SLC7A2: variants seen among roughly 807,000 people sequenced by gnomAD.
SLC7A2 encodes cationic amino acid transporter 2.
A neutral mutation model predicts 58.9 loss-of-function variants in SLC7A2; 48 were observed. The observed-to-expected ratio is 0.82, with a 90% CI of 0.65 to 1.04. SLC7A2 has a LOEUF of 1.04. Ranked by LOEUF, SLC7A2 falls within the 50% of genes least tolerant of loss-of-function variation. The probability of loss-of-function intolerance (pLI) is 0.00; values close to 1 mark genes in which losing one functional copy is unlikely to be tolerated. For missense variants in SLC7A2, 1,029 were observed against 818.8 expected (o/e 1.26, Z -3.13); for synonymous variants, 363 against 314.5 (o/e 1.15, Z -1.63).
intron 2 of SLC7A2, among the ~76,000 whole-genome samples, chr8:17,523,132 T>G (rs1321402654): frequency 6.6e-6 from 1 of 152,012 alleles, no homozygotes; most frequent in African/African-American, 2.4e-5. Context: ...GTTCTGCACA[T>G]GTATCCTGGA....
rs1427123801 is a variant in SLC7A2 at position 17,565,203 on chromosome 8, A to T, written c.*57A>T. 7.4e-7 allele frequency: 1 copy of T among 1,360,048 alleles called. No homozygotes were observed. The highest frequency in any genetic ancestry group is 1.0e-6 in the Non-Finnish European group (1 of 984,042). 84.2% of individuals were successfully genotyped at this position (1,360,048 alleles called of 1,614,324 possible). On this transcript the variant is annotated 3_prime_UTR_variant, in exon 13 of 13. Coordinates refer to ENST00000494857, the MANE Select transcript of SLC7A2 (RefSeq NM_001370338.1). The stretch of plus-strand genomic sequence containing the variant: ...AGCATACATATCCTACACTGAGTAA[A>T]CCGTAACGGGATGTCATCAGCATGC...
chr8:17,548,236 G>A (rs1182445115), intron 4 of SLC7A2, among the ~76,000 whole-genome samples: 2 of 152,200 alleles, frequency 1.3e-5, no homozygotes, highest in African/African-American at 2.4e-5. Context: ...AGCTACTCAG[G>A]TGGCTGAGGT....
intron 2 of SLC7A2, among the ~76,000 whole-genome samples, chr8:17,504,142 A>C (rs1371935777): frequency 6.6e-6 from 1 of 152,232 alleles, no homozygotes; most frequent in Non-Finnish European, 1.5e-5. Context: ...AGAATAACAA[A>C]CTACTAAGAA....
chr8:17,550,594 A>G (rs1433401935), intron 6 of SLC7A2, among the ~76,000 whole-genome samples, 160 bp downstream of exon 6: 2 of 152,194 alleles, frequency 1.3e-5, no homozygotes, highest in African/African-American at 4.8e-5. Context: ...TGATAAAAAG[A>G]AAGAATGCAA....
At chr8:17,563,748 A>C in intron 12 of SLC7A2, 37 bp downstream of exon 12, 1 of 1,199,252 alleles carries the variant, frequency 8.3e-7, no homozygotes. Flanking sequence ...TTCCTATTTC[A>C]TGTGCTGTGA....
chr8:17,532,995 A>G (rs1475991946), intron 2 of SLC7A2, among the ~76,000 whole-genome samples: 1 of 152,046 alleles, frequency 6.6e-6, no homozygotes, highest in Non-Finnish European at 1.5e-5. Flanking sequence ...AGTTTTAAGG[A>G]CCTTCAATTT....
intron 2 of SLC7A2, among the ~76,000 whole-genome samples, chr8:17,528,589 G>A (rs1801314249): frequency 1.3e-5 from 2 of 152,028 alleles, no homozygotes; most frequent in African/African-American, 4.8e-5. Context: ...CTGTCGTTCA[G>A]GCTGGTCTCA....
At chr8:17,498,702 G>C (rs1462380584) in intron 1 of SLC7A2, 1 of 152,176 alleles carries the variant, frequency 6.6e-6, no homozygotes, top group East Asian at 1.9e-4. Context: ...TAATCTTTTA[G>C]GGTGTGCCAT....
At chr8:17,535,654 G>A (rs1156550460) in intron 2 of SLC7A2, among the ~76,000 whole-genome samples, 2 of 152,206 alleles carry the variant, frequency 1.3e-5, no homozygotes, top group African/African-American at 4.8e-5. Context: ...TGTAATCCCA[G>A]CACTTTGGGA....
rs752318750 is a variant in SLC7A2 at position 17,565,189 on chromosome 8, C to G, written c.*43C>G. 35 of 1,477,700 alleles carry G rather than the reference C, an allele frequency of 2.4e-5. No individual in the cohort carries two copies. Among genetic ancestry groups the G allele is most frequent in the Non-Finnish European group, 3.3e-5 (35 of 1,074,482 alleles). The allele number at this position is 1,477,700 out of a possible 1,614,324, so 91.5% of individuals were successfully genotyped here. ...CTGGTCATCGTCTTAGCATACATAT[C>G]CTACACTGAGTAAACCGTAACGGGA... On this transcript the variant is annotated 3_prime_UTR_variant, in exon 13 of 13. Coordinates refer to ENST00000494857, the MANE Select transcript of SLC7A2 (RefSeq NM_001370338.1).
In SLC7A2 at chr8:17,564,996, T is replaced by C; in HGVS notation, c.1827T>C (p.Gly609=). The change falls in exon 13 of 13, where the codon GGT becomes GGC. Residue 609 remains glycine (G), a synonymous_variant. Coordinates refer to ENST00000494857, the MANE Select transcript of SLC7A2 (RefSeq NM_001370338.1). ...ATGGCATTAGACACAGCCTGGAGGG[T>C]CATCTGAGAGATGAAAACAATGAAG... ...FSYGIRHSLE[G]HLRDENNEED... 6.2e-7 allele frequency: 1 copy of C among 1,612,462 alleles called. No individual in the cohort carries two copies.
chr8:17,500,838 A>T (rs921571397), intron 1 of SLC7A2, among the ~76,000 whole-genome samples: 3 of 134,868 alleles, frequency 2.2e-5, no homozygotes, highest in African/African-American at 5.4e-5. Flanking sequence ...ACACACACAC[A>T]CACACAGAAT....
At chr8:17,514,878 T>A (rs573175152) in intron 2 of SLC7A2, among the ~76,000 whole-genome samples, 9 of 152,236 alleles carry the variant, frequency 5.9e-5, no homozygotes, top group Admixed American at 4.6e-4. Flanking sequence ...TCTCTTAGTT[T>A]AGAATATGAA....
intron 4 of SLC7A2, among the ~76,000 whole-genome samples, chr8:17,548,315 A>G (rs1802275657): frequency 6.6e-6 from 1 of 152,234 alleles, no homozygotes; most frequent in South Asian, 2.1e-4. Context: ...CACTTCTGCC[A>G]GGGAAACAGA....
chr8:17,506,714 T>C (rs1800379332), intron 2 of SLC7A2, among the ~76,000 whole-genome samples: 1 of 152,092 alleles, frequency 6.6e-6, no homozygotes, highest in African/African-American at 2.4e-5. Context: ...ATTCTGTTTT[T>C]GTGAAAACAA....
intron 2 of SLC7A2, 35 bp from the exon 3 acceptor site, chr8:17,543,283 C>T (rs781059509): frequency 1.3e-6 from 2 of 1,551,434 alleles, no homozygotes; most frequent in African/African-American, 2.7e-5. Context: ...GATGACAATT[C>T]CAGATCAGCT....
At chr8:17,498,321 G>C (rs569069864) in intron 1 of SLC7A2, among the ~76,000 whole-genome samples, 9 of 152,254 alleles carry the variant, frequency 5.9e-5, no homozygotes, top group Admixed American at 2.0e-4. Context: ...GCCTTGACTT[G>C]ATACTTTTTC....
chr8:17,525,949 A>G (rs545527847), intron 2 of SLC7A2, among the ~76,000 whole-genome samples: 1 of 152,150 alleles, frequency 6.6e-6, no homozygotes, highest in Admixed American at 6.5e-5. Context: ...TTTTTTCATG[A>G]TGGGGAAGTA....
At chr8:17,556,304 T>A (rs17124835) in intron 8 of SLC7A2, among the ~76,000 whole-genome samples, 1 of 151,804 alleles carries the variant, frequency 6.6e-6, no homozygotes, top group Admixed American at 6.6e-5. Flanking sequence ...GGTAAAATAC[T>A]TGCCAGTAAT....
Sources: gnomAD v4.1 joint callset for allele counts (sites outside exome capture counted in the v4.1 genomes callset) on GRCh38, gnomAD v4.1.1 for gene constraint, MANE v1.5 for transcripts, NCBI Gene and HGNC (gene_info 2026-07-23, HGNC 2026-07-21) for gene names.